The following NFIC variants were observed in gnomAD, a reference collection of about 807,000 sequenced individuals.
NFIC encodes nuclear factor I C, also known as nuclear factor 1 C-type.
Under a neutral mutation model 54.4 loss-of-function variants are expected in NFIC, and 12 were observed. The observed-to-expected ratio is 0.22, with a 90% CI of 0.14 to 0.36. The LOEUF is 0.36. Among genes scored for constraint, NFIC ranks in the 10% least tolerant of loss-of-function variants. NFIC has a pLI of 1.00. For missense variants in NFIC, 575 were observed against 718.2 expected (o/e 0.80, Z 2.28); for synonymous variants, 322 against 319.2 (o/e 1.01, Z -0.09).
chr19:3,393,215 G>A (rs1054596691), intron 2 of NFIC, among the ~76,000 whole-genome samples: 21 of 152,076 alleles, frequency 1.4e-4, no homozygotes, highest in South Asian at 2.1e-4. Flanking sequence ...GTGAGCCACC[G>A]CGCCCAGACT....
At chr19:3,383,863 C>T (rs2081251463) in intron 2 of NFIC, among the ~76,000 whole-genome samples, 1 of 152,180 alleles carries the variant, frequency 6.6e-6, no homozygotes, top group African/African-American at 2.4e-5. Flanking sequence ...ACTGCCCATG[C>T]TCCAGACACA....
At chr19:3,449,645 A>T (rs376548381) in intron 7 of NFIC, among the ~76,000 whole-genome samples, 4 of 151,490 alleles carry the variant, frequency 2.6e-5, no homozygotes, top group African/African-American at 9.7e-5. Flanking sequence ...CTGTAGTCCC[A>T]GCTACTGGGG....
chr19:3,398,544 A>G (rs2081501365), intron 2 of NFIC, among the ~76,000 whole-genome samples: 1 of 151,974 alleles, frequency 6.6e-6, no homozygotes, highest in Non-Finnish European at 1.5e-5. Context: ...CACACTGGAA[A>G]CCATCACCTT....
rs555700473 is a variant in NFIC at position 3,397,398 on chromosome 19, A to G, written c.562+15155A>G. Among the ~76,000 whole-genome samples the G allele has an allele frequency of 5.4e-4, 83 of 152,302 alleles. 1 individual carries two copies. The highest frequency in any genetic ancestry group is 1.9e-3 in the African/African-American group (80 of 41,574). Reference sequence around the variant, plus strand: ...CTACAGGGCTTTGGTGCCGGTGAGCAGGCCGCAGGTTCAGCTGGCTCAAGG... The same window carrying G: ...CTACAGGGCTTTGGTGCCGGTGAGCGGGCCGCAGGTTCAGCTGGCTCAAGG... On this transcript the variant is annotated intron_variant, in intron 2 of 10. Coordinates refer to ENST00000443272, the MANE Select transcript of NFIC (RefSeq NM_001245002.2).
chr19:3,454,300 G>C, intron 9 of NFIC: 1 of 1,034,646 alleles, frequency 9.7e-7, no homozygotes, highest in South Asian at 4.5e-5. Flanking sequence ...TTTGTTTGTG[G>C]AGAAAGAGAA....
intron 2 of NFIC, among the ~76,000 whole-genome samples, chr19:3,389,567 C>T (rs1278183643): frequency 1.3e-5 from 2 of 152,072 alleles, no homozygotes; most frequent in Admixed American, 6.6e-5. Context: ...CAGTGTGGGG[C>T]GCATTCTTCT....
intron 2 of NFIC, among the ~76,000 whole-genome samples, chr19:3,406,301 C>G (rs2081647536): frequency 6.6e-6 from 1 of 151,876 alleles, no homozygotes; most frequent in African/African-American, 2.4e-5. Flanking sequence ...GCCATGTTGC[C>G]CAGGCTGGTC....
intron 2 of NFIC, among the ~76,000 whole-genome samples, chr19:3,407,476 C>A (rs2081672197): frequency 6.6e-6 from 1 of 151,406 alleles, no homozygotes; most frequent in Admixed American, 6.6e-5. Flanking sequence ...CGCTCTGTCA[C>A]CCAGGCTGGA....
intron 4 of NFIC, among the ~76,000 whole-genome samples, chr19:3,434,019 C>T (rs557246676): frequency 3.9e-5 from 6 of 152,286 alleles, no homozygotes; most frequent in South Asian, 2.1e-4. Flanking sequence ...TGACTGACAC[C>T]TTCCCTGTCC....
chr19:3,412,640 T>C (rs2081782894), intron 2 of NFIC, among the ~76,000 whole-genome samples: 1 of 152,172 alleles, frequency 6.6e-6, no homozygotes, highest in Non-Finnish European at 1.5e-5. Flanking sequence ...GGTAATTTGC[T>C]TACCCTCTCT....
At chr19:3,363,257 ATATATATATATATTTTTTTT>A, upstream of NFIC, among the ~76,000 whole-genome samples, 1 of 15,590 alleles carries the variant, frequency 6.4e-5, no homozygotes, top group South Asian at 1.3e-3. Flanking sequence ...ATATATATAT[ATATATATATATATTTTTTTT>A]TTTTTTTTTT....
chr19:3,365,488 G>T (rs368956817), upstream of NFIC, among the ~76,000 whole-genome samples: 57 of 152,266 alleles, frequency 3.7e-4, no homozygotes, highest in African/African-American at 1.3e-3. Flanking sequence ...ACCGGGGGAG[G>T]GTTGGGGCCC....
chr19:3,372,585 G>C (rs1308136285), intron 1 of NFIC, among the ~76,000 whole-genome samples: 1 of 152,136 alleles, frequency 6.6e-6, no homozygotes, highest in Non-Finnish European at 1.5e-5. Flanking sequence ...TGTGGTGTGC[G>C]ACCGACCTCG....
At chr19:3,360,931 G>T (rs1032885449) in intron 1 of NFIC, among the ~76,000 whole-genome samples, 1 of 152,180 alleles carries the variant, frequency 6.6e-6, no homozygotes, top group Non-Finnish European at 1.5e-5. Context: ...AGTGACTGGC[G>T]CTGAGCCTCC....
chr19:3,447,635 C>G (rs1309685584), intron 6 of NFIC, among the ~76,000 whole-genome samples: 2 of 152,254 alleles, frequency 1.3e-5, no homozygotes, highest in East Asian at 3.8e-4. Flanking sequence ...ACAGGCACCC[C>G]TGGCCCAATC....
Position 3,459,248 on chromosome 19 carries a change from T to C in NFIC, c.1509+2613T>C. On this transcript the variant is annotated intron_variant, in intron 10 of 10. Coordinates refer to ENST00000443272, the MANE Select transcript of NFIC (RefSeq NM_001245002.2). This position sits in a 1 kb window ranked among gnomAD's most constrained non-coding sequence, Gnocchi z 4.2. ...TCCCGACACCCCCCAGTCCATGGAC[T>C]CTCCCCCCATCAATATCCCTCCCCG... Among the ~76,000 whole-genome samples the C allele has an allele frequency of 9.2e-6, 1 of 108,182 alleles. No individual in the cohort carries two copies. The highest frequency in any genetic ancestry group is 3.7e-5 in the African/African-American group (1 of 27,382). 71.0% of individuals were successfully genotyped at this position (108,182 alleles called of 152,430 possible).
At chr19:3,443,314 C>G (rs986196675) in intron 6 of NFIC, among the ~76,000 whole-genome samples, 2 of 151,384 alleles carry the variant, frequency 1.3e-5, no homozygotes, top group Admixed American at 6.6e-5. Context: ...CCCAGCTACT[C>G]GAGAGGCTGA....
At chr19:3,421,986 T>C (rs2145595633) in intron 2 of NFIC, among the ~76,000 whole-genome samples, 1 of 152,060 alleles carries the variant, frequency 6.6e-6, no homozygotes, top group Admixed American at 6.6e-5. Flanking sequence ...CAGGCTGGAG[T>C]GCAATAATGG....
intron 6 of NFIC, among the ~76,000 whole-genome samples, chr19:3,444,370 G>A (rs1432308294): frequency 6.6e-6 from 1 of 152,230 alleles, no homozygotes; most frequent in African/African-American, 2.4e-5. Context: ...CAGGATGCCG[G>A]GAGGGGCGTA....
Sources: allele counts gnomAD v4.1 joint callset (sites outside exome capture counted in the v4.1 genomes callset), GRCh38; gene constraint gnomAD v4.1.1; non-coding constraint Gnocchi (gnomAD v3.1); transcripts MANE v1.5; gene names NCBI Gene and HGNC (gene_info 2026-07-23, HGNC 2026-07-21).